Variants in CLMN observed in about 807,000 individuals in gnomAD.
CLMN encodes calmin (calponin-like, transmembrane).
Under a neutral mutation model 92.7 loss-of-function variants are expected in CLMN, and 57 were observed. The observed-to-expected ratio is 0.61, with a 90% confidence interval of 0.50 to 0.77. CLMN has a LOEUF of 0.77. Ranked by LOEUF, CLMN falls within the 30% of genes least tolerant of loss-of-function variation. The pLI, the probability that CLMN is intolerant of heterozygous loss-of-function variation, is 0.00. For missense variants in CLMN, 1,158 were observed against 1,237.5 expected (o/e 0.94, Z 0.96); for synonymous variants, 466 against 470.6 (o/e 0.99, Z 0.13).
chr14:95,260,863 C>A (rs943917587), intron 1 of CLMN, among the ~76,000 whole-genome samples: 8 of 152,028 alleles, frequency 5.3e-5, no homozygotes, highest in Non-Finnish European at 1.5e-5. Context: ...TGTGGTCAAC[C>A]CTGACTTGTG....
chr14:95,268,823 A>G (rs1249188636), intron 1 of CLMN, among the ~76,000 whole-genome samples: 1 of 54,218 alleles, frequency 1.8e-5, no homozygotes, highest in Non-Finnish European at 3.7e-5. Flanking sequence ...TTTTTTTTTT[A>G]GACAGAGTCT....
At chr14:95,227,274 C>T (rs1394624810) in intron 2 of CLMN, among the ~76,000 whole-genome samples, 1 of 152,134 alleles carries the variant, frequency 6.6e-6, no homozygotes, top group African/African-American at 2.4e-5. Flanking sequence ...CCCTTTACCC[C>T]CAGTTAGTCA....
At chr14:95,215,218 C>T (rs1897301942) in intron 5 of CLMN, among the ~76,000 whole-genome samples, 1 of 152,192 alleles carries the variant, frequency 6.6e-6, no homozygotes, top group Admixed American at 6.5e-5. Context: ...AAGAACAGAA[C>T]AATAAGGTCT....
chr14:95,245,658 A>C, intron 1 of CLMN, among the ~76,000 whole-genome samples: 1 of 58,832 alleles, frequency 1.7e-5, no homozygotes, highest in Middle Eastern at 0.014. Flanking sequence ...ATGAATGGAT[A>C]GGTAGATGGA....
chr14:95,228,195 T>C (rs1023639653), intron 2 of CLMN, among the ~76,000 whole-genome samples: 2 of 152,222 alleles, frequency 1.3e-5, no homozygotes, highest in Non-Finnish European at 2.9e-5. Context: ...AAATACTCCA[T>C]GGCTCTAGTG....
chr14:95,222,300 A>AAGAGAGAAAG (rs577197300), intron 3 of CLMN: 1 of 234,696 alleles, frequency 4.3e-6, no homozygotes, highest in Non-Finnish European at 8.6e-6. Flanking sequence ...CCCAGGTCGA[A>AAGAGAGAAAG]AGAGAGAAAG....
At position 95,235,928 on chromosome 14, in the gene CLMN, G is replaced by A. The variant is rs114623726; in HGVS notation, c.83-5795C>T. Among the ~76,000 whole-genome samples, 1,098 of 152,246 alleles carry A rather than the reference G, an allele frequency of 7.2e-3. 11 individuals are homozygous for A. The highest frequency in any genetic ancestry group is 0.023 in the African/African-American group (944 of 41,540). ...GCTCCCTGAACCTGCCACCAGGATG[G>A]GTGAGCTGCAGCACAGCATGGGGGG... On this transcript the variant is annotated intron_variant, in intron 1 of 12. Coordinates refer to ENST00000298912, the MANE Select transcript of CLMN (RefSeq NM_024734.4).
intron 1 of CLMN, among the ~76,000 whole-genome samples, chr14:95,238,180 G>C (rs1595608943): frequency 6.6e-6 from 1 of 152,152 alleles, no homozygotes; most frequent in South Asian, 2.1e-4. Context: ...TACTCCTGGC[G>C]TGGCCCAGCC....
chr14:95,193,975 C>T, intron 11 of CLMN, 56 bp from the exon 12 acceptor site: 1 of 1,596,050 alleles, frequency 6.3e-7, no homozygotes, highest in Admixed American at 1.8e-5. Context: ...AAGATGAAAT[C>T]TCTGAAACAG....
At chr14:95,220,523 G>A (rs979534513) in intron 4 of CLMN, among the ~76,000 whole-genome samples, 14 of 152,162 alleles carry the variant, frequency 9.2e-5, no homozygotes, top group Admixed American at 5.2e-4. Context: ...GTGGACAGGC[G>A]GGTTGTTCCC....
intron 1 of CLMN, among the ~76,000 whole-genome samples, chr14:95,317,471 C>CA (rs904666123): frequency 6.6e-6 from 1 of 152,128 alleles, no homozygotes; most frequent in Non-Finnish European, 1.5e-5. Context: ...GCACACAACC[C>CA]AAAGGTCCCT....
chr14:95,241,829 CTGTG>C (rs1781774406), intron 1 of CLMN, among the ~76,000 whole-genome samples: 1 of 152,128 alleles, frequency 6.6e-6, no homozygotes, highest in Non-Finnish European at 1.5e-5. Flanking sequence ...TCATGCACGC[CTGTG>C]TGTGTGCGTG....
At position 95,227,548 on chromosome 14, in the gene CLMN, C is replaced by T. The variant is rs545911588; in HGVS notation, c.144+2524G>A. 9.8e-5 allele frequency among the ~76,000 whole-genome samples: 15 copies of T among 152,308 alleles called. 1 individual carries two copies. The South Asian group carries it at 2.5e-3, about 25-fold the overall frequency. ...AACATTTCCAGTTACCAGCCCCGGCCGTGGCCAAGCCTTACTTCTGAGTTA... is the reference window on the plus strand; with the variant it reads ...AACATTTCCAGTTACCAGCCCCGGCTGTGGCCAAGCCTTACTTCTGAGTTA... On this transcript the variant is annotated intron_variant, in intron 2 of 12. Coordinates refer to ENST00000298912, the MANE Select transcript of CLMN (RefSeq NM_024734.4).
chr14:95,252,630 G>A (rs931341773), intron 1 of CLMN, among the ~76,000 whole-genome samples: 25 of 152,170 alleles, frequency 1.6e-4, no homozygotes, highest in African/African-American at 4.8e-4. Flanking sequence ...GGGACTGGCC[G>A]CCAATCCAGA....
At chr14:95,197,417 G>C (rs1465794218) in intron 9 of CLMN, among the ~76,000 whole-genome samples, 14 of 152,116 alleles carry the variant, frequency 9.2e-5, no homozygotes, top group Non-Finnish European at 1.5e-5. Flanking sequence ...AAGAAAGAAA[G>C]AAAGAAAGAG....
At chr14:95,289,208 A>G (rs1292793523) in intron 1 of CLMN, among the ~76,000 whole-genome samples, 1 of 152,156 alleles carries the variant, frequency 6.6e-6, no homozygotes, top group Non-Finnish European at 1.5e-5. Context: ...CCCATTGGTC[A>G]GGCTGGGCAT....
rs1483235374 is a variant in CLMN, at chr14:95,194,255, C to G, written c.2769+281G>C. ...ACCTCTGTCTCTGAACGTGATCCTT[C>G]TGGGTGCGCGCGGGGTCCAGGTGAG... is the stretch of plus-strand genomic sequence containing the variant. On this transcript the variant is annotated intron_variant, in intron 11 of 12. Transcript: ENST00000298912. This position sits in a 1 kb window ranked among gnomAD's most constrained non-coding sequence, Gnocchi z 4.0. 1 of 1,388,866 alleles carries G rather than the reference C, an allele frequency of 7.2e-7. No homozygotes were observed. The highest frequency in any genetic ancestry group is 1.5e-5 in the African/African-American group (1 of 65,692). 86.0% of individuals were successfully genotyped at this position (1,388,866 alleles called of 1,614,324 possible). A position where few individuals can be genotyped will look rare whatever the true frequency, so the allele number is the denominator to read the frequency against.
Position 95,203,623 on chromosome 14 carries a change from T to C in CLMN, c.1726A>G (p.Thr576Ala). The C allele has an allele frequency of 6.2e-7, 1 of 1,614,206 alleles. No individual in the cohort carries two copies. The highest frequency in any genetic ancestry group is 8.5e-7 in the Non-Finnish European group (1 of 1,180,024). The change falls in exon 9 of 13, where the codon ACC becomes GCC. Residue 576 changes from threonine to alanine, a missense_variant. By Grantham distance (58) the Thr-to-Ala change is moderately conservative. Coordinates refer to ENST00000298912, the MANE Select transcript of CLMN (RefSeq NM_024734.4). The part of the protein sequence containing the change: ...FNSDLIDFAS[T>A]SQAFNKVPSP... ...GGAACTTTGTTGAAAGCCTGGCTGG[T>C]AGAAGCAAAATCTATTAGGTCGCTG...
rs1897250722 is a variant in CLMN, at chr14:95,213,391, T to G, written c.436A>C (p.Asn146His). ...GAAGATGGAGAGTTTCTGCTGAGGTTGCCTGTGAGCTCCTTAATCTGGAAG... is the reference window on the plus strand; with the variant it reads ...GAAGATGGAGAGTTTCTGCTGAGGTGGCCTGTGAGCTCCTTAATCTGGAAG... ...LFFQIKELTG[N>H]LSRNSPSSSL... is the part of the protein sequence containing the mutation. Residue 146 changes from asparagine to histidine, a missense_variant, in exon 6 of 13, where the codon AAC becomes CAC. Asn to His is a moderately conservative substitution (Grantham distance 68). Coordinates refer to ENST00000298912, the MANE Select transcript of CLMN (RefSeq NM_024734.4). 1.9e-6 allele frequency: 3 copies of G among 1,609,356 alleles called. No individual in the cohort carries two copies. The highest frequency in any genetic ancestry group is 1.3e-5 in the African/African-American group (1 of 74,622).
Sources: allele counts gnomAD v4.1 joint callset (sites outside exome capture counted in the v4.1 genomes callset), GRCh38; gene constraint gnomAD v4.1.1; non-coding constraint Gnocchi (gnomAD v3.1); transcripts MANE v1.5; gene names NCBI Gene and HGNC (gene_info 2026-07-23, HGNC 2026-07-21).